Variants in POLR2F observed in about 807,000 individuals in gnomAD.
POLR2F encodes the protein RNA polymerase II, I and III subunit F.
A neutral mutation model predicts 22.7 loss-of-function variants in POLR2F; 12 were observed. That is an observed-to-expected ratio of 0.53 (90% CI 0.34 to 0.86). POLR2F has a LOEUF of 0.86. POLR2F is among the 40% of genes least tolerant of loss of function. The probability of loss-of-function intolerance (pLI) is 0.02; values close to 1 mark genes in which losing one functional copy is unlikely to be tolerated. For missense variants in POLR2F, 126 were observed against 171.5 expected, an observed-to-expected ratio of 0.73 and a Z score of 1.48; for synonymous variants, 57 against 66.0, an observed-to-expected ratio of 0.86 and a Z score of 0.66.
At chr22:37,962,569 C>A in intron 3 of POLR2F, among the ~76,000 whole-genome samples, 1 of 152,216 alleles carries the variant, frequency 6.6e-6, no homozygotes, top group Non-Finnish European at 1.5e-5. Context: ...ATCCTCTGGG[C>A]CTGCACCATC....
intron 1 of POLR2F, among the ~76,000 whole-genome samples, chr22:37,993,799 C>G (rs531036663): frequency 2.0e-5 from 3 of 152,162 alleles, no homozygotes; most frequent in Non-Finnish European, 2.9e-5. Flanking sequence ...ACCATCCTGG[C>G]TAACATGATG....
chr22:38,035,129 C>CTCTCTCTCTCCCCCTGTGTGTG (rs2085102812), intron 5 of POLR2F, among the ~76,000 whole-genome samples: 1 of 152,112 alleles, frequency 6.6e-6, no homozygotes, highest in Admixed American at 6.5e-5. Flanking sequence ...CCATAGCCAT[C>CTCTCTCTCTCCCCCTGTGTGTG]TCTCTCTCTC....
Position 37,967,605 on chromosome 22 carries a change from TG to T in POLR2F, c.294-19del. ...GGGGTCACCAGCCCTCATGTACTTG[TG>T]ACTTCTCCCCTGCCACAGGGCCCGA... is the stretch of plus-strand genomic sequence containing the variant. On this transcript the variant is annotated intron_variant, in intron 4 of 4. Coordinates refer to ENST00000442738, the MANE Select transcript of POLR2F (RefSeq NM_021974.5). 1 of 1,613,152 alleles carries T rather than the reference TG, an allele frequency of 6.2e-7. No homozygotes were observed. Among genetic ancestry groups the T allele is most frequent in the Non-Finnish European group, 8.5e-7 (1 of 1,179,488 alleles).
At position 37,959,404 on chromosome 22, in the gene POLR2F, A is replaced by G. The variant is rs1931534186; in HGVS notation, c.149A>G (p.Lys50Arg). The change falls in exon 3 of 5, where the codon AAG (lysine) becomes AGG (arginine). Residue 50 changes from lysine (K) to arginine (R), a missense_variant. Lys to Arg is a conservative substitution (Grantham distance 26). Transcript: ENST00000442738. The stretch of plus-strand genomic sequence containing the variant: ...GGGGAGCGACCGCAGGCCAACCAGA[A>G]GCGAATCACCACACCATACATGACC... ...PSGERPQANQ[K>R]RITTPYMTKY... The G allele has an allele frequency of 1.2e-6, 2 of 1,614,142 alleles. No individual in the cohort carries two copies. The highest frequency in any genetic ancestry group is 1.7e-6 in the Non-Finnish European group (2 of 1,179,998).
chr22:37,977,377 G>C (rs1932252887), intron 4 of POLR2F, among the ~76,000 whole-genome samples: 1 of 151,042 alleles, frequency 6.6e-6, no homozygotes, highest in East Asian at 2.0e-4. Context: ...CTGGAGTGCA[G>C]TGGCGCGATC....
intron 4 of POLR2F, among the ~76,000 whole-genome samples, chr22:37,975,236 G>A (rs1932187548): frequency 1.3e-5 from 2 of 152,206 alleles, no homozygotes. Context: ...GTTCCCAAAA[G>A]CTCATAGTCT....
At chr22:37,963,940 A>G (rs1198147544) in intron 3 of POLR2F, among the ~76,000 whole-genome samples, 1 of 152,008 alleles carries the variant, frequency 6.6e-6, no homozygotes, top group East Asian at 1.9e-4. Context: ...CGTCTCTACT[A>G]AAAATACAAA....
chr22:37,962,915 C>G (rs965742836), intron 3 of POLR2F, among the ~76,000 whole-genome samples: 5 of 151,834 alleles, frequency 3.3e-5, no homozygotes, highest in Admixed American at 3.3e-4. Context: ...TGGTCTCGAT[C>G]TCCTGACCTT....
At chr22:37,983,782 C>A, upstream of POLR2F, 1 of 1,446,948 alleles carries the variant, frequency 6.9e-7, no homozygotes, top group Non-Finnish European at 9.1e-7. The surrounding 1 kb of genome is among the most constrained non-coding windows in gnomAD (Gnocchi z 9.5). Flanking sequence ...GCTCCTCCGC[C>A]ATGTCGCCCC....
chr22:38,024,556 C>T (rs757494247), intron 1 of POLR2F, among the ~76,000 whole-genome samples: 15 of 151,748 alleles, frequency 9.9e-5, no homozygotes, highest in Non-Finnish European at 1.6e-4. Flanking sequence ...TGTGGGGGCA[C>T]AAGACATTAT....
At chr22:37,967,375 C>G in intron 4 of POLR2F, 2 of 1,440,370 alleles carry the variant, frequency 1.4e-6, no homozygotes, top group South Asian at 1.5e-5. Context: ...ACATGGACGT[C>G]TTCTGGCTGT....
chr22:37,981,807 C>T (rs1932406145), upstream of POLR2F, among the ~76,000 whole-genome samples: 1 of 152,214 alleles, frequency 6.6e-6, no homozygotes, highest in Admixed American at 6.5e-5. Context: ...TTGGGCAGAA[C>T]TGGGCTGTCT....
chr22:37,969,042 C>A lies in POLR2F; in HGVS notation c.*1327C>A, dbSNP rs893679781. ...GGCAGCCGCCCCAGAGTGCGGGGGT[C>A]ACTTTCTCGGCCCCATTTCTCTAAA... On this transcript the variant is annotated 3_prime_UTR_variant, in exon 5 of 5. Transcript: ENST00000442738. The A allele has an allele frequency of 3.0e-6, 3 of 985,486 alleles. No homozygotes were observed. In the South Asian group the frequency reaches 1.4e-4, roughly 46 times the overall value. 61.0% of individuals were successfully genotyped at this position (985,486 alleles called of 1,614,324 possible). A position where few individuals can be genotyped will look rare whatever the true frequency, so the allele number is the denominator to read the frequency against.
chr22:37,987,296 G>A (rs1033547161), intron 1 of POLR2F: 7 of 456,562 alleles, frequency 1.5e-5, no homozygotes, highest in East Asian at 6.9e-5. Flanking sequence ...GGCAGGTCCC[G>A]GATTTACTCA....
At chr22:37,969,491 C>T (rs914281099), downstream of POLR2F, among the ~76,000 whole-genome samples, 1 of 152,188 alleles carries the variant, frequency 6.6e-6, no homozygotes, top group African/African-American at 2.4e-5. Context: ...CATTTCCCCT[C>T]CTTCCACATC....
chr22:37,988,726 T>G (rs2145785869), intron 1 of POLR2F: 1 of 154,352 alleles, frequency 6.5e-6, no homozygotes, highest in South Asian at 2.0e-4. Flanking sequence ...GATTCTGAAT[T>G]TCTGGGGCTG....
At chr22:38,001,594 A>G (rs895465294) in intron 1 of POLR2F, among the ~76,000 whole-genome samples, 2 of 152,076 alleles carry the variant, frequency 1.3e-5, no homozygotes, top group African/African-American at 2.4e-5. Flanking sequence ...GTGCTATGGT[A>G]TAATGTCGGC....
chr22:37,985,712 C>T (rs929184048), upstream of POLR2F, among the ~76,000 whole-genome samples: 5 of 151,812 alleles, frequency 3.3e-5, no homozygotes, highest in African/African-American at 1.2e-4. Context: ...GAGGCAAGGC[C>T]TCATGCTTGG....
intron 1 of POLR2F, among the ~76,000 whole-genome samples, chr22:38,020,957 G>A (rs113045544): frequency 0.012 from 1,787 of 152,304 alleles, 39 homozygotes; most frequent in African/African-American, 0.041. Flanking sequence ...TCCCACACTT[G>A]TGTGTGCTGC....
Sources: allele counts gnomAD v4.1 joint callset (sites outside exome capture counted in the v4.1 genomes callset), GRCh38; gene constraint gnomAD v4.1.1; non-coding constraint Gnocchi (gnomAD v3.1); transcripts MANE v1.5; gene names NCBI Gene and HGNC (gene_info 2026-07-23, HGNC 2026-07-21).